The following ANKS1B variants were observed in gnomAD, a reference collection of about 807,000 sequenced individuals.
ANKS1B encodes the protein ankyrin repeat and sterile alpha motif domain-containing protein 1B.
ANKS1B carries 36 observed loss-of-function variants against 148.3 expected under a neutral mutation model. The ratio of observed to expected loss-of-function variants is 0.24; its 90% CI spans 0.19 to 0.32. The LOEUF (loss-of-function observed/expected upper bound fraction) is 0.32. ANKS1B is among the 10% of genes least tolerant of loss of function. The pLI, the probability that ANKS1B is intolerant of heterozygous loss-of-function variation, is 1.00. For missense variants in ANKS1B, 1,157 were observed against 1,542.6 expected, an observed-to-expected ratio of 0.75 and a Z score of 4.19; for synonymous variants, 542 against 560.8, an observed-to-expected ratio of 0.97 and a Z score of 0.47.
At chr12:99,402,479 C>A (rs1163493727) in intron 11 of ANKS1B, among the ~76,000 whole-genome samples, 1 of 145,522 alleles carries the variant, frequency 6.9e-6, no homozygotes, top group Non-Finnish European at 1.5e-5. Context: ...CCACCCTCCA[C>A]CATCTGATAG....
intron 2 of ANKS1B, among the ~76,000 whole-genome samples, chr12:99,822,362 T>C (rs1003683030): frequency 6.6e-6 from 1 of 152,112 alleles, no homozygotes; most frequent in Non-Finnish European, 1.5e-5. Flanking sequence ...TCAGGGGATA[T>C]ATTGTATGAT....
intron 9 of ANKS1B, among the ~76,000 whole-genome samples, chr12:99,561,767 C>T (rs2097338701): frequency 1.3e-5 from 2 of 152,206 alleles, no homozygotes; most frequent in South Asian, 4.1e-4. Flanking sequence ...TTGAACCTCT[C>T]AATGTCATCC....
chr12:99,946,947 A>C (rs989138727), intron 1 of ANKS1B, among the ~76,000 whole-genome samples: 2 of 152,138 alleles, frequency 1.3e-5, no homozygotes, highest in Non-Finnish European at 2.9e-5. Flanking sequence ...TTATGTTTTT[A>C]AGACAGCAAG....
chr12:99,480,144 A>T lies in ANKS1B; in HGVS notation c.1438+24332T>A, dbSNP rs185503543. ...ATGCATGTATTTTAAATATTCAAAA[A>T]TTTTTTCATATTGATTCATATTAAT... On this transcript the variant is annotated intron_variant, in intron 10 of 26. Coordinates refer to ENST00000683438, the MANE Select transcript of ANKS1B (RefSeq NM_001352186.2). Among the ~76,000 whole-genome samples, 52 of 151,850 alleles carry T rather than the reference A, an allele frequency of 3.4e-4. 1 individual carries two copies. The East Asian group carries it at 6.9e-3, about 20-fold the overall frequency.
At chr12:99,654,633 A>G (rs990988980) in intron 9 of ANKS1B, among the ~76,000 whole-genome samples, 12 of 152,194 alleles carry the variant, frequency 7.9e-5, no homozygotes, top group Admixed American at 6.5e-4. Flanking sequence ...CAAAACCTCC[A>G]GAAGTACACA....
chr12:98,901,569 T>C (rs77464529), intron 17 of ANKS1B, among the ~76,000 whole-genome samples: 1,548 of 152,364 alleles, frequency 0.01, 30 homozygotes, highest in African/African-American at 0.035. Context: ...TTTATAATCA[T>C]GACATTGTGG....
intron 17 of ANKS1B, among the ~76,000 whole-genome samples, chr12:98,980,194 GT>G (rs528770383): frequency 2.0e-5 from 3 of 151,806 alleles, no homozygotes; most frequent in South Asian, 2.1e-4. Context: ...TTGCAAATAG[GT>G]TTTTTTGTTT....
chr12:98,869,715 A>ATG (rs2152353997), intron 17 of ANKS1B, among the ~76,000 whole-genome samples: 2 of 112,956 alleles, frequency 1.8e-5, no homozygotes, highest in South Asian at 5.8e-4. Flanking sequence ...GTGTATATAT[A>ATG]TGTATATATA....
intron 1 of ANKS1B, among the ~76,000 whole-genome samples, chr12:99,960,961 C>A (rs2095402857): frequency 6.6e-6 from 1 of 152,148 alleles, no homozygotes; most frequent in South Asian, 2.1e-4. Context: ...GGCATGATGG[C>A]TCACACCTGT....
At chr12:99,480,874 T>C (rs2096399758) in intron 10 of ANKS1B, among the ~76,000 whole-genome samples, 1 of 151,872 alleles carries the variant, frequency 6.6e-6, no homozygotes, top group South Asian at 2.1e-4. Context: ...TGTTCTTCCC[T>C]TTGTTTGGAA....
chr12:98,800,334 G>A (rs1373449091), intron 21 of ANKS1B, among the ~76,000 whole-genome samples: 1 of 151,806 alleles, frequency 6.6e-6, no homozygotes, highest in African/African-American at 2.4e-5. Flanking sequence ...AGTTATCAGG[G>A]AAGTTTGCCT....
At chr12:99,388,731 T>C (rs1395445688) in intron 12 of ANKS1B, among the ~76,000 whole-genome samples, 2 of 152,232 alleles carry the variant, frequency 1.3e-5, no homozygotes, top group East Asian at 3.9e-4. Flanking sequence ...AGGGTCCTTT[T>C]CTAAGCTCAC....
At chr12:99,677,932 C>A (rs998361480) in intron 8 of ANKS1B, among the ~76,000 whole-genome samples, 2 of 152,122 alleles carry the variant, frequency 1.3e-5, no homozygotes, top group African/African-American at 4.8e-5. Flanking sequence ...GAGACTGCAC[C>A]ACTGCATTCC....
At chr12:99,590,774 AAGG>A (rs2097695075) in intron 9 of ANKS1B, among the ~76,000 whole-genome samples, 1 of 152,192 alleles carries the variant, frequency 6.6e-6, no homozygotes, top group Admixed American at 6.6e-5. Flanking sequence ...ATTTCCGAAT[AAGG>A]GTTTGTAGGC....
intron 12 of ANKS1B, among the ~76,000 whole-genome samples, chr12:99,304,078 T>A (rs533109731): frequency 5.9e-5 from 9 of 152,290 alleles, no homozygotes; most frequent in African/African-American, 2.2e-4. Context: ...TAAACATGCA[T>A]GTGCAAGTGT....
At chr12:99,594,850 G>A (rs2097741437) in intron 9 of ANKS1B, among the ~76,000 whole-genome samples, 1 of 151,722 alleles carries the variant, frequency 6.6e-6, no homozygotes, top group Non-Finnish European at 1.5e-5. Flanking sequence ...AATTTGTTAA[G>A]AAGGTAAATC....
At chr12:99,769,843 T>C (rs1054263885) in intron 8 of ANKS1B, among the ~76,000 whole-genome samples, 39 of 152,250 alleles carry the variant, frequency 2.6e-4, no homozygotes, top group Admixed American at 1.2e-3. Context: ...TAAATCATTC[T>C]CAAATTATGC....
chr12:99,155,175 C>CA, intron 14 of ANKS1B: 3 of 1,386,670 alleles, frequency 2.2e-6, no homozygotes, highest in Non-Finnish European at 2.8e-6. Context: ...GAGCTCACGA[C>CA]AGGTTCCCTT....
At chr12:99,036,223 C>T (rs1324107580) in intron 17 of ANKS1B, among the ~76,000 whole-genome samples, 2 of 152,104 alleles carry the variant, frequency 1.3e-5, no homozygotes, top group Non-Finnish European at 2.9e-5. Flanking sequence ...GAAGTGACTT[C>T]ATTTATATTG....
Sources: gnomAD v4.1 joint callset for allele counts (sites outside exome capture counted in the v4.1 genomes callset) on GRCh38, gnomAD v4.1.1 for gene constraint, MANE v1.5 for transcripts, NCBI Gene and HGNC (gene_info 2026-07-23, HGNC 2026-07-21) for gene names.